Variants in MYO18B observed in about 807,000 individuals in gnomAD.
MYO18B encodes the protein myosin XVIIIB.
MYO18B carries 204 observed loss-of-function variants against 273.0 expected under a neutral mutation model. The observed-to-expected ratio is 0.75, with a 90% CI of 0.67 to 0.84. The LOEUF (loss-of-function observed/expected upper bound fraction) is 0.84, where lower values mean the gene tolerates loss of function less well. Among genes scored for constraint, MYO18B ranks in the 40% least tolerant of loss-of-function variants. The pLI is 0.00. For missense variants in MYO18B, 3,212 were observed against 3,287.6 expected, an observed-to-expected ratio of 0.98 and a Z score of 0.56; for synonymous variants, 1,330 against 1,305.7, an observed-to-expected ratio of 1.02 and a Z score of -0.40.
At chr22:25,855,797 A>G (rs549365507) in intron 21 of MYO18B, among the ~76,000 whole-genome samples, 5 of 152,080 alleles carry the variant, frequency 3.3e-5, no homozygotes, top group African/African-American at 9.6e-5. Flanking sequence ...TGAATGTACA[A>G]ATATCTCTTG....
At chr22:25,821,274 A>G (rs1393499473) in intron 12 of MYO18B, among the ~76,000 whole-genome samples, 2 of 150,408 alleles carry the variant, frequency 1.3e-5, no homozygotes, top group Admixed American at 6.6e-5. Flanking sequence ...GCACTAGTTT[A>G]CATTCCCACC....
intron 11 of MYO18B, among the ~76,000 whole-genome samples, chr22:25,794,873 A>G (rs745880303): frequency 6.6e-6 from 1 of 152,222 alleles, no homozygotes; most frequent in Non-Finnish European, 1.5e-5. Flanking sequence ...TCCTCCTTCC[A>G]TGAAAGGCTC....
At chr22:25,828,038 G>C (rs998772595) in intron 14 of MYO18B, among the ~76,000 whole-genome samples, 5 of 152,190 alleles carry the variant, frequency 3.3e-5, no homozygotes, top group Non-Finnish European at 5.9e-5. Flanking sequence ...GGCCTCCAAA[G>C]CTCCTAGCTG....
intron 1 of MYO18B, among the ~76,000 whole-genome samples, chr22:25,748,646 A>G (rs2085850976): frequency 6.6e-6 from 1 of 152,102 alleles, no homozygotes; most frequent in East Asian, 1.9e-4. Context: ...CCTGCCCGCC[A>G]TTCTTCTTCA....
In MYO18B at chr22:25,955,175, C is replaced by G. The variant is rs760235547; in HGVS notation, c.5971-4C>G. The stretch of plus-strand genomic sequence containing the variant: ...AGGTGGGCATGTGTCTCTGCCCCTC[C>G]CAGGTCCTGGTGATCCGGCTTCGGG... On this transcript the variant is annotated splice_region_variant and splice_polypyrimidine_tract_variant and intron_variant, in intron 38 of 43. Transcript: ENST00000335473. 2 of 1,598,080 alleles carry G rather than the reference C, an allele frequency of 1.3e-6. No individual in the cohort carries two copies. Among genetic ancestry groups the G allele is most frequent in the African/African-American group, 1.3e-5 (1 of 74,710 alleles).
intron 10 of MYO18B, among the ~76,000 whole-genome samples, chr22:25,783,694 C>T (rs2087257931): frequency 6.6e-6 from 1 of 152,226 alleles, no homozygotes; most frequent in East Asian, 1.9e-4. Context: ...GACGTTCATT[C>T]CAAGCCAGGC....
chr22:25,990,142 CTCTT>C (rs1355949601), intron 39 of MYO18B, among the ~76,000 whole-genome samples: 1 of 152,208 alleles, frequency 6.6e-6, no homozygotes, highest in Non-Finnish European at 1.5e-5. Context: ...CTCTCTCTCT[CTCTT>C]TAAAATCAGA....
At chr22:25,969,263 A>T (rs1437714503) in intron 39 of MYO18B, among the ~76,000 whole-genome samples, 1 of 152,252 alleles carries the variant, frequency 6.6e-6, no homozygotes, top group Non-Finnish European at 1.5e-5. Context: ...GCAAGGAGGT[A>T]TCCAGAGATT....
At chr22:25,783,385 A>G (rs1354663529) in intron 10 of MYO18B, among the ~76,000 whole-genome samples, 3 of 152,248 alleles carry the variant, frequency 2.0e-5, no homozygotes, top group African/African-American at 4.8e-5. Context: ...GTGCATAGTA[A>G]TGGTGTAATG....
At chr22:25,905,499 G>T (rs1288892932) in intron 31 of MYO18B, among the ~76,000 whole-genome samples, 1 of 152,196 alleles carries the variant, frequency 6.6e-6, no homozygotes, top group East Asian at 1.9e-4. Flanking sequence ...TGACAGCAGG[G>T]TTGGGGGAGA....
intron 2 of MYO18B, among the ~76,000 whole-genome samples, chr22:25,761,492 G>A (rs2086316380): frequency 6.6e-6 from 1 of 152,202 alleles, no homozygotes; most frequent in Non-Finnish European, 1.5e-5. Context: ...GGGGGACAGA[G>A]GCAGGGCTGT....
chr22:25,980,571 C>T (rs1449837217), intron 39 of MYO18B, among the ~76,000 whole-genome samples: 1 of 152,176 alleles, frequency 6.6e-6, no homozygotes, highest in Non-Finnish European at 1.5e-5. Flanking sequence ...TATCTATACT[C>T]ATACGCAGAA....
At position 25,890,933 on chromosome 22, in the gene MYO18B, C is replaced by A. The variant is rs902680612; in HGVS notation, c.4434+58C>A. ...ACACGGTGGCTAAAAATGGTTGGGT[C>A]TGCTCCCCGACCCTCTCATTGGAGA... On this transcript the variant is annotated intron_variant, in intron 26 of 43. Coordinates refer to ENST00000335473, the MANE Select transcript of MYO18B (RefSeq NM_032608.7). 3.8e-6 allele frequency: 6 copies of A among 1,577,116 alleles called. No homozygotes were observed. The African/African-American group carries it at 8.1e-5, about 21-fold the overall frequency.
At chr22:25,867,974 G>A (rs1003420018) in intron 21 of MYO18B, among the ~76,000 whole-genome samples, 8 of 152,190 alleles carry the variant, frequency 5.3e-5, no homozygotes, top group African/African-American at 1.9e-4. Context: ...ACACAAGTGG[G>A]ATGGCCAGAT....
chr22:26,001,939 T>C (rs1933993072), intron 40 of MYO18B, among the ~76,000 whole-genome samples: 1 of 152,198 alleles, frequency 6.6e-6, no homozygotes, highest in African/African-American at 2.4e-5. Context: ...TGGATTCAAG[T>C]AAAGATTGGT....
intron 39 of MYO18B, among the ~76,000 whole-genome samples, chr22:25,982,129 A>G (rs995537389): frequency 2.0e-5 from 3 of 152,158 alleles, no homozygotes; most frequent in Non-Finnish European, 4.4e-5. Context: ...CAAAGGGGAA[A>G]TCCACCCCCA....
chr22:25,884,884 C>T (rs1361053899), intron 25 of MYO18B: 5 of 152,146 alleles, frequency 3.3e-5, no homozygotes, highest in Admixed American at 1.3e-4. Context: ...CTTGATAAGC[C>T]TGTGGGGAGA....
intron 42 of MYO18B, among the ~76,000 whole-genome samples, chr22:26,017,096 C>A (rs55911721): frequency 0.38 from 50,159 of 132,752 alleles, 10,322 homozygotes; most frequent in African/African-American, 0.47. Context: ...TCCCTCCCTC[C>A]CTCACTCACT....
chr22:26,060,319 G>GGCTCTTTATA, the MYO18B span, among the ~76,000 whole-genome samples: 2,270 of 152,292 alleles, frequency 0.015, 55 homozygotes, highest in African/African-American at 0.052. Flanking sequence ...TGTACTACCT[G>GGCTCTTTATA]GCTCTTTATA....
Sources: gnomAD v4.1 joint callset for allele counts (sites outside exome capture counted in the v4.1 genomes callset) on GRCh38, gnomAD v4.1.1 for gene constraint, MANE v1.5 for transcripts, NCBI Gene and HGNC (gene_info 2026-07-23, HGNC 2026-07-21) for gene names.